Variants in TXNRD1 observed in about 807,000 individuals in gnomAD.
TXNRD1 encodes thioredoxin reductase 1.
Under a neutral mutation model 80.3 loss-of-function variants are expected in TXNRD1, and 57 were observed. That is an observed-to-expected ratio of 0.71 (90% confidence interval 0.57 to 0.89). The LOEUF (loss-of-function observed/expected upper bound fraction) is 0.89, where lower values mean the gene tolerates loss of function less well. Among genes scored for constraint, TXNRD1 ranks in the 40% least tolerant of loss-of-function variants. The pLI is 0.00. For missense variants in TXNRD1, 730 were observed against 803.0 expected (o/e 0.91, Z 1.10); for synonymous variants, 291 against 285.2 (o/e 1.02, Z -0.20).
chr12:104,286,899 G>A, intron 3 of TXNRD1: 3 of 1,138,426 alleles, frequency 2.6e-6, no homozygotes, highest in Non-Finnish European at 3.3e-6. Context: ...ATTAGCATAG[G>A]TTGCCAGGGC....
Position 104,328,106 on chromosome 12 carries a change from A to C in TXNRD1, c.1542+435A>C, listed in dbSNP as rs34806276. On this transcript the variant is annotated intron_variant, in intron 13 of 16. Coordinates refer to ENST00000525566, the MANE Select transcript of TXNRD1 (RefSeq NM_001093771.3). Reference sequence around the variant, plus strand: ...CGGGGAACTGGGAGGCAGAGGTTGCAGTGAGCCAAGATTGTGCCACTCTAC... The same window carrying C: ...CGGGGAACTGGGAGGCAGAGGTTGCCGTGAGCCAAGATTGTGCCACTCTAC... 8.4e-3 allele frequency among the ~76,000 whole-genome samples: 1,272 copies of C among 151,736 alleles called. 19 individuals carry two copies. The highest frequency in any genetic ancestry group is 9.5e-3 in the Non-Finnish European group (645 of 67,894).
chr12:104,303,890 G>T (rs761414587), intron 4 of TXNRD1: 56 of 1,531,116 alleles, frequency 3.7e-5, no homozygotes, highest in Non-Finnish European at 2.7e-5. Context: ...GATCATCCCC[G>T]GTAGCGAGTA....
intron 12 of TXNRD1, 27 bp from the exon 13 acceptor site, chr12:104,327,488 A>G: frequency 6.3e-7 from 1 of 1,588,618 alleles, no homozygotes; most frequent in Non-Finnish European, 8.6e-7. Flanking sequence ...GTAATTAATG[A>G]TGATTTTTAA....
intron 16 of TXNRD1, chr12:104,345,939 T>C: frequency 7.8e-7 from 1 of 1,287,424 alleles, no homozygotes; most frequent in Non-Finnish European, 1.0e-6. Flanking sequence ...CCCCTTCTGC[T>C]CATTTTTTAA....
At chr12:104,285,676 G>A (rs2033955563) in intron 3 of TXNRD1, among the ~76,000 whole-genome samples, 1 of 152,166 alleles carries the variant, frequency 6.6e-6, no homozygotes, top group South Asian at 2.1e-4. Context: ...TAAGAATGAG[G>A]AGTTTATGAC....
chr12:104,334,741 T>A (rs1402285854), intron 15 of TXNRD1, among the ~76,000 whole-genome samples: 3 of 152,220 alleles, frequency 2.0e-5, no homozygotes, highest in Admixed American at 1.3e-4. Flanking sequence ...CGCGTGCCAG[T>A]TGTCTCAGCT....
chr12:104,246,426 TCAAAAAAACAAAAAAA>T (rs370836457), intron 1 of TXNRD1, among the ~76,000 whole-genome samples: 1 of 150,272 alleles, frequency 6.7e-6, no homozygotes, highest in Non-Finnish European at 1.5e-5. Flanking sequence ...AGACTCCATC[TCAAAAAAACAAAAAAA>T]CAAAAAAACA....
chr12:104,262,600 AG>A (rs578185480), intron 3 of TXNRD1: 29 of 152,340 alleles, frequency 1.9e-4, no homozygotes, highest in Admixed American at 1.6e-3. Context: ...GTATTTAAAA[AG>A]TCAGAAGATC....
At chr12:104,239,004 A>G (rs1478015120) in intron 1 of TXNRD1, among the ~76,000 whole-genome samples, 2 of 151,252 alleles carry the variant, frequency 1.3e-5, no homozygotes, top group Non-Finnish European at 2.9e-5. Context: ...CCGCCACCAC[A>G]CCCTTTTCAT....
rs766479330 is a variant in TXNRD1, at chr12:104,288,929, A to C, written c.305-2A>C. 1.2e-6 allele frequency: 2 copies of C among 1,613,924 alleles called. No individual in the cohort carries two copies. The highest frequency in any genetic ancestry group is 1.7e-6 in the Non-Finnish European group (2 of 1,179,890). On this transcript the variant is annotated splice_acceptor_variant, in intron 3 of 16. Coordinates refer to ENST00000525566, the MANE Select transcript of TXNRD1 (RefSeq NM_001093771.3). LOFTEE classifies it high-confidence loss of function. ...GCTCCGCTCTGCTTTTGTGCCACAC[A>C]GAGGACGGTCGGGCCCTGGAAGGAA...
At chr12:104,331,666 T>C (rs2035951337) in intron 14 of TXNRD1, 25 bp downstream of exon 14, 2 of 1,462,070 alleles carry the variant, frequency 1.4e-6, no homozygotes, top group East Asian at 2.3e-5. Flanking sequence ...TCTTTTCTCC[T>C]ATGTTATATC....
chr12:104,318,906 T>C lies in TXNRD1; in HGVS notation c.731-7T>C, dbSNP rs1400252235. ...CAAACAAGATTTTGTTTTATTTTCTTATACAGTTAAGCATGATTGGGACAG... is the reference window on the plus strand; with the variant it reads ...CAAACAAGATTTTGTTTTATTTTCTCATACAGTTAAGCATGATTGGGACAG... On this transcript the variant is annotated splice_polypyrimidine_tract_variant and splice_region_variant and intron_variant, in intron 7 of 16. Coordinates refer to ENST00000525566, the MANE Select transcript of TXNRD1 (RefSeq NM_001093771.3). The C allele has an allele frequency of 1.3e-6, 2 of 1,598,044 alleles. No individual in the cohort carries two copies. Among genetic ancestry groups the C allele is most frequent in the Admixed American group, 1.8e-5 (1 of 54,870 alleles).
At chr12:104,293,819 G>T (rs1471232540) in intron 4 of TXNRD1, among the ~76,000 whole-genome samples, 1 of 152,184 alleles carries the variant, frequency 6.6e-6, no homozygotes, top group Non-Finnish European at 1.5e-5. Context: ...GGCCCCGAAT[G>T]TCGGGCTGCA....
At chr12:104,342,579 G>A (rs2036361695) in intron 16 of TXNRD1, among the ~76,000 whole-genome samples, 1 of 152,156 alleles carries the variant, frequency 6.6e-6, no homozygotes, top group African/African-American at 2.4e-5. Context: ...TGGGAAAGCG[G>A]ATGGCTCATT....
At chr12:104,314,951 C>T (rs1328254597) in intron 6 of TXNRD1, among the ~76,000 whole-genome samples, 1 of 152,084 alleles carries the variant, frequency 6.6e-6, no homozygotes, top group Non-Finnish European at 1.5e-5. Context: ...CCGTTTTGGC[C>T]AGGCTGGTCT....
intron 1 of TXNRD1, among the ~76,000 whole-genome samples, chr12:104,244,516 T>G (rs1486107878): frequency 1.3e-5 from 2 of 152,156 alleles, no homozygotes; most frequent in African/African-American, 4.8e-5. Flanking sequence ...CCAATATAAC[T>G]AATATGACCA....
intron 3 of TXNRD1, among the ~76,000 whole-genome samples, chr12:104,267,711 T>C (rs370068737): frequency 1.1e-3 from 62 of 57,442 alleles, no homozygotes; most frequent in Non-Finnish European, 1.8e-3. Flanking sequence ...CTCTCTTTCT[T>C]TCTTTCTTTC....
intron 16 of TXNRD1, among the ~76,000 whole-genome samples, chr12:104,341,207 G>A (rs2036313194): frequency 6.6e-6 from 1 of 152,212 alleles, no homozygotes; most frequent in Non-Finnish European, 1.5e-5. Context: ...TTGAGGCTGT[G>A]CATCTCCATC....
At chr12:104,254,643 AAATAT>A (rs1455093069) in intron 2 of TXNRD1, among the ~76,000 whole-genome samples, 1 of 129,188 alleles carries the variant, frequency 7.7e-6, no homozygotes, top group Non-Finnish European at 1.6e-5. Flanking sequence ...AAAAAAAAAA[AAATAT>A]ATATATATAT....
Sources: gnomAD v4.1 joint callset for allele counts (sites outside exome capture counted in the v4.1 genomes callset) on GRCh38, gnomAD v4.1.1 for gene constraint, MANE v1.5 for transcripts, NCBI Gene and HGNC (gene_info 2026-07-23, HGNC 2026-07-21) for gene names.